Variants in SLC35A3 observed in about 807,000 individuals in gnomAD.
The protein encoded by SLC35A3 is solute carrier family 35 member A3.
In SLC35A3, 26 loss-of-function variants were observed where a neutral mutation model predicts 39.0. That is an observed-to-expected ratio of 0.67 (90% CI 0.49 to 0.92). The LOEUF (loss-of-function observed/expected upper bound fraction) is 0.92, where lower values mean the gene tolerates loss of function less well. Ranked by LOEUF, SLC35A3 falls within the 40% of genes least tolerant of loss-of-function variation. The pLI is 0.00. For synonymous variants in SLC35A3, 135 were observed against 133.1 expected (o/e 1.01, Z -0.10); for missense variants, 299 against 371.6 (o/e 0.80, Z 1.61).
chr1:99,970,877 C>T (rs916530404), intron 1 of SLC35A3, among the ~76,000 whole-genome samples: 2 of 152,228 alleles, frequency 1.3e-5, no homozygotes, highest in African/African-American at 4.8e-5. Flanking sequence ...CACTGGTAAA[C>T]TCAGGGTGTT....
At chr1:100,018,640 C>T (rs561692342) in intron 7 of SLC35A3, among the ~76,000 whole-genome samples, 22 of 152,274 alleles carry the variant, frequency 1.4e-4, no homozygotes, top group African/African-American at 4.8e-4. Flanking sequence ...AGCAATCCTC[C>T]TGCCTCAGCC....
rs1325137887 is a variant in SLC35A3, at chr1:100,034,759, A to G, written c.*12283A>G. 1 of 152,118 alleles carries G rather than the reference A, an allele frequency of 6.6e-6. No homozygotes were observed. Among genetic ancestry groups the G allele is most frequent in the Non-Finnish European group, 1.5e-5 (1 of 68,020 alleles). 9.4% of individuals were successfully genotyped at this position (152,118 alleles called of 1,614,324 possible). A position where few individuals can be genotyped will look rare whatever the true frequency, so the allele number is the denominator to read the frequency against. On this transcript the variant is annotated 3_prime_UTR_variant, in exon 8 of 8. Coordinates refer to ENST00000533028, the MANE Select transcript of SLC35A3 (RefSeq NM_012243.3). ...GGTGGGATTTGGATTCTGTGATACA[A>G]TCTTGTTTCTTTAGGAATCTTTTAC...
Position 99,993,768 on chromosome 1 carries a change from A to G in SLC35A3, c.187+27A>G, listed in dbSNP as rs768613933. 3.8e-6 allele frequency: 6 copies of G among 1,592,920 alleles called. No homozygotes were observed. The African/African-American group carries it at 6.7e-5, about 18-fold the overall frequency. ...TAGGTATCTAGGTTTTTTGTTTTTA[A>G]TCAATGCAATTTATTTAGTTTGCAT... is the stretch of plus-strand genomic sequence containing the variant. On this transcript the variant is annotated intron_variant, in intron 2 of 7. Coordinates refer to ENST00000533028, the MANE Select transcript of SLC35A3 (RefSeq NM_012243.3).
At chr1:100,007,731 C>T (rs1659345533) in intron 4 of SLC35A3, 1 of 152,516 alleles carries the variant, frequency 6.6e-6, no homozygotes, top group South Asian at 2.1e-4. Flanking sequence ...AGACTAGTCT[C>T]TCAAACTTCT....
At chr1:99,976,819 G>A (rs1657131609) in intron 1 of SLC35A3, among the ~76,000 whole-genome samples, 1 of 152,180 alleles carries the variant, frequency 6.6e-6, no homozygotes, top group South Asian at 2.1e-4. Context: ...AGGGTGCAGG[G>A]TTGGAGGAGG....
At chr1:100,015,233 G>T in intron 5 of SLC35A3, 69 bp from the exon 6 acceptor site, 3 of 1,306,178 alleles carry the variant, frequency 2.3e-6, no homozygotes, top group Admixed American at 2.9e-5. Context: ...TATTTGGAAT[G>T]TCAGTGGAAA....
intron 4 of SLC35A3, chr1:100,007,426 A>AT (rs1173595854): frequency 1.1e-4 from 26 of 233,608 alleles, no homozygotes; most frequent in Non-Finnish European, 1.2e-4. Flanking sequence ...AAGAAAGTTG[A>AT]TTTTTGCTGG....
intron 3 of SLC35A3, among the ~76,000 whole-genome samples, chr1:100,006,342 G>T (rs1292080765): frequency 6.6e-6 from 1 of 152,170 alleles, no homozygotes; most frequent in African/African-American, 2.4e-5. Context: ...TGCTGCTTGA[G>T]GTAGCAGTGG....
chr1:100,006,149 G>A (rs905765840), intron 3 of SLC35A3, among the ~76,000 whole-genome samples: 3 of 152,092 alleles, frequency 2.0e-5, no homozygotes, highest in African/African-American at 2.4e-5. Flanking sequence ...TAGTGGCTTC[G>A]ACTGAAGTTG....
At chr1:100,004,257 T>G in intron 3 of SLC35A3, among the ~76,000 whole-genome samples, 1 of 152,216 alleles carries the variant, frequency 6.6e-6, no homozygotes, top group East Asian at 1.9e-4. Flanking sequence ...TTTCTTGTGT[T>G]TTTATCATGG....
chr1:100,008,176 C>T (rs1659378091), intron 4 of SLC35A3: 1 of 152,094 alleles, frequency 6.6e-6, no homozygotes, highest in Non-Finnish European at 1.5e-5. Context: ...TGGTCTCGAA[C>T]TCCTGACCTC....
chr1:99,999,452 T>G (rs754719541), intron 3 of SLC35A3, 37 bp downstream of exon 3: 2 of 1,403,294 alleles, frequency 1.4e-6, no homozygotes, highest in Non-Finnish European at 1.9e-6. Flanking sequence ...TTAAAAAAAC[T>G]TTTTTCTTAT....
intron 4 of SLC35A3, among the ~76,000 whole-genome samples, chr1:100,010,475 T>C (rs1025986609): frequency 6.6e-6 from 1 of 152,142 alleles, no homozygotes; most frequent in African/African-American, 2.4e-5. Flanking sequence ...GGCAAATTGC[T>C]TGAGCCCAGG....
At position 100,022,739 on chromosome 1, in the gene SLC35A3, A is replaced by G. The variant is rs1660644964; in HGVS notation, c.*263A>G. The G allele has an allele frequency of 3.8e-6, 1 of 262,238 alleles. No individual in the cohort carries two copies. The highest frequency in any genetic ancestry group is 7.1e-6 in the Non-Finnish European group (1 of 140,342). The allele number at this position is 262,238 out of a possible 1,614,324, so 16.2% of individuals were successfully genotyped here. A position where few individuals can be genotyped will look rare whatever the true frequency, so the allele number is the denominator to read the frequency against. On this transcript the variant is annotated 3_prime_UTR_variant, in exon 8 of 8. Coordinates refer to ENST00000533028, the MANE Select transcript of SLC35A3 (RefSeq NM_012243.3). Reference sequence around the variant, plus strand: ...TGAAATCTGAGTTTAAAAAGATTTTACCTTTTTGATTGCTGCAGAAATGTC... The same window carrying G: ...TGAAATCTGAGTTTAAAAAGATTTTGCCTTTTTGATTGCTGCAGAAATGTC...
intron 3 of SLC35A3, chr1:100,000,729 T>C (rs527886541): frequency 1.3e-5 from 2 of 152,320 alleles, no homozygotes; most frequent in South Asian, 4.1e-4. Context: ...GTATGTTTGC[T>C]GCTGAAGCAA....
intron 1 of SLC35A3, among the ~76,000 whole-genome samples, chr1:99,977,364 CAA>C (rs61423393): frequency 2.0e-4 from 20 of 98,434 alleles, no homozygotes; most frequent in Non-Finnish European, 2.4e-4. Flanking sequence ...TTAAAAATAC[CAA>C]AAAAAAAAAA....
At chr1:100,016,356 G>C (rs1304989126) in intron 6 of SLC35A3, among the ~76,000 whole-genome samples, 1 of 148,418 alleles carries the variant, frequency 6.7e-6, no homozygotes, top group Non-Finnish European at 1.5e-5. Context: ...GAGCCACCGC[G>C]CCCGGCCCGG....
intron 6 of SLC35A3, chr1:100,015,801 C>T (rs115425088): frequency 0.011 from 2,087 of 191,986 alleles, 19 homozygotes; most frequent in Middle Eastern, 0.046. Context: ...TTCATAGCCT[C>T]ATATTGTAGT....
intron 1 of SLC35A3, chr1:99,970,710 G>T: frequency 1.8e-6 from 2 of 1,082,388 alleles, no homozygotes; most frequent in Non-Finnish European, 1.3e-6. Flanking sequence ...ACAGGTGTGT[G>T]GGTGCATTGC....
Sources: allele counts gnomAD v4.1 joint callset (sites outside exome capture counted in the v4.1 genomes callset), GRCh38; gene constraint gnomAD v4.1.1; transcripts MANE v1.5; gene names NCBI Gene and HGNC (gene_info 2026-07-23, HGNC 2026-07-21).